The following MTOR variants were observed in gnomAD, a reference collection of about 807,000 sequenced individuals.
MTOR encodes serine/threonine-protein kinase mTOR.
In MTOR, 70 loss-of-function variants were observed where a neutral mutation model predicts 319.8. That is an observed-to-expected ratio of 0.22 (90% CI 0.18 to 0.27). The LOEUF (loss-of-function observed/expected upper bound fraction) is 0.27. MTOR is among the 10% of genes least tolerant of loss of function. The pLI is 1.00. For missense variants in MTOR, 1,890 were observed against 3,274.4 expected (o/e 0.58, Z 10.32); for synonymous variants, 1,183 against 1,211.4 (o/e 0.98, Z 0.49).
intron 19 of MTOR, among the ~76,000 whole-genome samples, chr1:11,225,197 G>GTAAA (rs931090253): frequency 6.6e-5 from 10 of 151,914 alleles, no homozygotes; most frequent in African/African-American, 2.2e-4. Context: ...TATCTGACTT[G>GTAAA]TAAATAAATA....
intron 46 of MTOR, among the ~76,000 whole-genome samples, chr1:11,125,869 C>T (rs1370831161): frequency 6.6e-6 from 1 of 151,534 alleles, no homozygotes; most frequent in Non-Finnish European, 1.5e-5. Context: ...GGTGAAACCC[C>T]AACTCTATTA....
At chr1:11,257,729 A>T (rs1650602097) in intron 3 of MTOR, among the ~76,000 whole-genome samples, 1 of 152,188 alleles carries the variant, frequency 6.6e-6, no homozygotes, top group Non-Finnish European at 1.5e-5. Context: ...ATGCTAGTAT[A>T]ATTTTCTCCC....
chr1:11,126,693 C>G lies in MTOR; in HGVS notation c.6455G>C (p.Arg2152Pro), dbSNP rs764978010. 1.2e-6 allele frequency: 2 copies of G among 1,613,768 alleles called. No homozygotes were observed. Among genetic ancestry groups the G allele is most frequent in the African/African-American group, 2.7e-5 (2 of 74,808 alleles). Residue 2152 changes from arginine to proline, a missense_variant, in exon 46 of 58, where the codon CGC becomes CCC. Around this residue, in one of 15 missense-constraint regions of MTOR, gnomAD observed 249 missense variants for 596.2 expected, o/e 0.42. Transcript: ENST00000361445. ...CAAAGACGGTGCTATGGACTGAATG[C>G]GAATGATTGGCTGGTTGGGGTCATA... ...GTYDPNQPIIRIQSIAPSLQV... is the reference protein window; with the variant it reads ...GTYDPNQPIIPIQSIAPSLQV...
intron 25 of MTOR, among the ~76,000 whole-genome samples, chr1:11,207,108 G>A (rs573261698): frequency 1.3e-5 from 2 of 152,060 alleles, no homozygotes; most frequent in Non-Finnish European, 2.9e-5. Flanking sequence ...TTTTGTCGTT[G>A]TTGTTGGTGA....
intron 26 of MTOR, among the ~76,000 whole-genome samples, chr1:11,203,136 C>A (rs1310751590): frequency 6.6e-6 from 1 of 151,858 alleles, no homozygotes; most frequent in Non-Finnish European, 1.5e-5. Context: ...TCGCTTGAAC[C>A]CAGGAGACGG....
At chr1:11,245,658 G>A (rs1316056106) in intron 8 of MTOR, among the ~76,000 whole-genome samples, 5 of 152,196 alleles carry the variant, frequency 3.3e-5, no homozygotes, top group African/African-American at 1.2e-4. Context: ...CAAGCACTTT[G>A]GGAGGCCAAG....
intron 26 of MTOR, 35 bp downstream of exon 26, chr1:11,204,526 T>C: frequency 6.3e-7 from 1 of 1,592,696 alleles, no homozygotes; most frequent in Non-Finnish European, 8.6e-7. Flanking sequence ...GTTTTCTATG[T>C]GCTGATCTTC....
chr1:11,258,883 C>G (rs1650764113), intron 2 of MTOR, among the ~76,000 whole-genome samples: 1 of 152,190 alleles, frequency 6.6e-6, no homozygotes, highest in South Asian at 2.1e-4. Flanking sequence ...TGTCTCTGAC[C>G]TCAAGTCTGG....
intron 28 of MTOR, among the ~76,000 whole-genome samples, chr1:11,177,179 G>T (rs1309546589): frequency 6.6e-6 from 1 of 152,082 alleles, no homozygotes; most frequent in African/African-American, 2.4e-5. Flanking sequence ...GGGGCATTTG[G>T]TGTACTTGGA....
intron 5 of MTOR, among the ~76,000 whole-genome samples, chr1:11,254,279 A>C (rs143419686): frequency 0.011 from 1,713 of 152,078 alleles, 68 homozygotes; most frequent in South Asian, 0.065. Context: ...AGCTGAGATT[A>C]CAGGCACACA....
At chr1:11,241,320 C>T (rs939843003) in intron 10 of MTOR, among the ~76,000 whole-genome samples, 2 of 52,962 alleles carry the variant, frequency 3.8e-5, no homozygotes, top group Non-Finnish European at 8.5e-5. Flanking sequence ...GACCCCTTCT[C>T]AAAAAAAAAA....
At position 11,144,771 on chromosome 1, in the gene MTOR, C is replaced by A. The variant is rs147429193; in HGVS notation, c.4765-16G>T. On this transcript the variant is annotated splice_polypyrimidine_tract_variant and intron_variant, in intron 33 of 57. Coordinates refer to ENST00000361445, the MANE Select transcript of MTOR (RefSeq NM_004958.4). ...AAACCATGGCCTGATGGAAGCAAAT[C>A]GCATTCCAAACTAATTACTGCACGA... 9.3e-6 allele frequency: 15 copies of A among 1,607,698 alleles called. No individual in the cohort carries two copies. Among genetic ancestry groups the A allele is most frequent in the South Asian group, 6.6e-5 (6 of 91,006 alleles).
At chr1:11,132,724 ACGCTGAACAAG>A in intron 38 of MTOR, 1 of 180,310 alleles carries the variant, frequency 5.5e-6, no homozygotes, top group South Asian at 1.7e-4. Flanking sequence ...AATCAGAAAA[ACGCTGAACAAG>A]AACAGATGAC....
At position 11,212,569 on chromosome 1, in the gene MTOR, T is replaced by A. The variant is rs1646346420; in HGVS notation, c.3399-95A>T. On this transcript the variant is annotated intron_variant, in intron 22 of 57. Coordinates refer to ENST00000361445, the MANE Select transcript of MTOR (RefSeq NM_004958.4). The surrounding 1 kb of genome is among the most constrained non-coding windows in gnomAD (Gnocchi z 4.1). ...AGCTTAACAATCAGCACCAAAGGGATGGGAATGAACGGCTTCTAAGGTATT... is the reference window on the plus strand; with the variant it reads ...AGCTTAACAATCAGCACCAAAGGGAAGGGAATGAACGGCTTCTAAGGTATT... 6.9e-7 allele frequency: 1 copy of A among 1,446,206 alleles called. No individual in the cohort carries two copies. The highest frequency in any genetic ancestry group is 2.3e-5 in the East Asian group (1 of 43,396). 89.6% of individuals were successfully genotyped at this position (1,446,206 alleles called of 1,614,324 possible). A position where few individuals can be genotyped will look rare whatever the true frequency, so the allele number is the denominator to read the frequency against.
At chr1:11,252,194 T>A (rs1232253421) in intron 6 of MTOR, among the ~76,000 whole-genome samples, 1 of 152,244 alleles carries the variant, frequency 6.6e-6, no homozygotes, top group African/African-American at 2.4e-5. Flanking sequence ...TAACACCTTA[T>A]ACAAAGTAAA....
In MTOR at chr1:11,193,903, A is replaced by T. The variant is rs1029451036; in HGVS notation, c.4253+5355T>A. 2.9e-6 allele frequency: 3 copies of T among 1,049,002 alleles called. No homozygotes were observed. In the African/African-American group the frequency reaches 4.9e-5, roughly 17 times the overall value. The allele number at this position is 1,049,002 out of a possible 1,614,324, so 65.0% of individuals were successfully genotyped here. A position where few individuals can be genotyped will look rare whatever the true frequency, so the allele number is the denominator to read the frequency against. On this transcript the variant is annotated intron_variant, in intron 28 of 57. Transcript: ENST00000361445. The stretch of plus-strand genomic sequence containing the variant: ...ATATTCATTGTGATGGTTTTCCTGC[A>T]AGTTGTAATGGAGTTGAGGAAAAAT...
At chr1:11,193,382 C>T (rs1430548389) in intron 28 of MTOR, among the ~76,000 whole-genome samples, 2 of 152,104 alleles carry the variant, frequency 1.3e-5, no homozygotes, top group Non-Finnish European at 2.9e-5. Context: ...CAATTTGCAT[C>T]GTTCTTCCAG....
rs1642942212 is a variant in MTOR, at chr1:11,128,210, C to T, written c.5911-84G>A. ...ATGAATTTTAAGGAGAATAACAAAA[C>T]AAGTGGTGAGTGTGACATTAACATC... On this transcript the variant is annotated intron_variant, in intron 42 of 57. Coordinates refer to ENST00000361445, the MANE Select transcript of MTOR (RefSeq NM_004958.4). This position sits in a 1 kb window ranked among gnomAD's most constrained non-coding sequence, Gnocchi z 5.3. 6.4e-7 allele frequency: 1 copy of T among 1,557,368 alleles called. No homozygotes were observed. Among genetic ancestry groups the T allele is most frequent in the Admixed American group, 1.8e-5 (1 of 57,042 alleles).
rs146281880 is a variant in MTOR, at chr1:11,245,936, T to C, written c.1225+1689A>G. 6.0e-3 allele frequency among the ~76,000 whole-genome samples: 917 copies of C among 152,268 alleles called. 11 individuals are homozygous for C. Among genetic ancestry groups the C allele is most frequent in the African/African-American group, 0.021 (863 of 41,544 alleles). On this transcript the variant is annotated intron_variant, in intron 8 of 57. Transcript: ENST00000361445. ...AAAAAAACCCCAAGAGAGTATAATT[T>C]TCTTTCCTGGATTTAGCATCCTGAG...
Sources: allele counts gnomAD v4.1 joint callset (sites outside exome capture counted in the v4.1 genomes callset), GRCh38; gene constraint gnomAD v4.1.1; regional missense constraint gnomAD v4.1.1; non-coding constraint Gnocchi (gnomAD v3.1); transcripts MANE v1.5; gene names NCBI Gene and HGNC (gene_info 2026-07-23, HGNC 2026-07-21).